The following SDC2 variants were observed in gnomAD, a reference collection of about 807,000 sequenced individuals.
SDC2 encodes syndecan 2.
SDC2 carries 13 observed loss-of-function variants against 22.2 expected under a neutral mutation model. The ratio of observed to expected loss-of-function variants is 0.59; its 90% CI spans 0.38 to 0.93. The LOEUF (loss-of-function observed/expected upper bound fraction) is 0.93. Ranked by LOEUF, SDC2 falls within the 40% of genes least tolerant of loss-of-function variation. The pLI is 0.00. For missense variants in SDC2, 235 were observed against 246.8 expected, an observed-to-expected ratio of 0.95 and a Z score of 0.32; for synonymous variants, 94 against 92.8, an observed-to-expected ratio of 1.01 and a Z score of -0.07.
intron 1 of SDC2, among the ~76,000 whole-genome samples, chr8:96,536,212 A>G (rs562269141): frequency 5.9e-5 from 9 of 151,770 alleles, no homozygotes; most frequent in Admixed American, 3.3e-4. Flanking sequence ...TGCCACAGCT[A>G]TGGATAGGAA....
intron 2 of SDC2, among the ~76,000 whole-genome samples, chr8:96,597,019 C>T (rs1456917587): frequency 6.6e-6 from 1 of 152,170 alleles, no homozygotes; most frequent in Non-Finnish European, 1.5e-5. Context: ...TCCCCTGGTT[C>T]CTTTCCTCTG....
intron 1 of SDC2, among the ~76,000 whole-genome samples, chr8:96,556,337 G>A (rs932415993): frequency 3.5e-5 from 4 of 112,792 alleles, no homozygotes; most frequent in Non-Finnish European, 6.8e-5. Flanking sequence ...ACCAGTTTTA[G>A]GATTTTATTA....
intron 1 of SDC2, among the ~76,000 whole-genome samples, chr8:96,566,727 AG>A (rs898818449): frequency 3.3e-5 from 5 of 151,496 alleles, no homozygotes; most frequent in African/African-American, 1.2e-4. Flanking sequence ...GTTATAATTA[AG>A]TCATTCTGAC....
At chr8:96,550,523 A>G (rs978050) in intron 1 of SDC2, among the ~76,000 whole-genome samples, 1 of 152,000 alleles carries the variant, frequency 6.6e-6, no homozygotes, top group Non-Finnish European at 1.5e-5. Context: ...GACTGATGGT[A>G]TTATTATTGT....
intron 1 of SDC2, 32 bp downstream of exon 1, chr8:96,494,363 G>T (rs201986281): frequency 2.6e-5 from 40 of 1,533,716 alleles, no homozygotes; most frequent in Non-Finnish European, 3.4e-5. Context: ...TGCGCGCGCC[G>T]TTTAGGGTGT....
chr8:96,501,637 T>A (rs1485561670), intron 1 of SDC2, among the ~76,000 whole-genome samples: 1 of 152,114 alleles, frequency 6.6e-6, no homozygotes, highest in Non-Finnish European at 1.5e-5. Context: ...GTGTAATTTG[T>A]TATTAAATAT....
chr8:96,563,802 A>G (rs1223028202), intron 1 of SDC2, among the ~76,000 whole-genome samples: 1 of 152,210 alleles, frequency 6.6e-6, no homozygotes, highest in Non-Finnish European at 1.5e-5. Context: ...ACATAAATGC[A>G]TTTTGAGCTC....
intron 1 of SDC2, among the ~76,000 whole-genome samples, chr8:96,552,419 C>T (rs996121670): frequency 2.6e-4 from 39 of 152,096 alleles, no homozygotes; most frequent in African/African-American, 8.9e-4. Context: ...TGTTACTGTG[C>T]GTTTGGCTGA....
intron 1 of SDC2, among the ~76,000 whole-genome samples, chr8:96,592,723 G>A (rs1278965415): frequency 6.6e-6 from 1 of 152,248 alleles, no homozygotes; most frequent in Non-Finnish European, 1.5e-5. Context: ...TTAAGCGTGT[G>A]ATTTGCTATT....
At chr8:96,513,245 T>A (rs940573840) in intron 1 of SDC2, among the ~76,000 whole-genome samples, 10 of 152,268 alleles carry the variant, frequency 6.6e-5, no homozygotes, top group Admixed American at 3.9e-4. Flanking sequence ...TGTAGGCACA[T>A]CTGCTATAAA....
At chr8:96,586,295 C>G (rs1295872333) in intron 1 of SDC2, 1 of 152,204 alleles carries the variant, frequency 6.6e-6, no homozygotes, top group Non-Finnish European at 1.5e-5. Context: ...TGGTTATTTC[C>G]TTTCACCAAA....
chr8:96,601,366 G>T lies in SDC2; in HGVS notation c.173-1029G>T, dbSNP rs148991633. Among the ~76,000 whole-genome samples the T allele has an allele frequency of 1.1e-4, 17 of 152,214 alleles. No homozygotes were observed. The East Asian group carries it at 3.1e-3, about 28-fold the overall frequency. On this transcript the variant is annotated intron_variant, in intron 2 of 4. Coordinates refer to ENST00000302190, the MANE Select transcript of SDC2 (RefSeq NM_002998.4). ...GCCTGTAAAACCAGGAGAGGGCCAG[G>T]CACGGTGGCTCACGCCTGTAATCCC...
intron 1 of SDC2, among the ~76,000 whole-genome samples, chr8:96,582,322 A>G (rs780502023): frequency 4.0e-5 from 6 of 151,366 alleles, no homozygotes; most frequent in Non-Finnish European, 2.9e-5. Flanking sequence ...GATATCAGGA[A>G]TATGAATAAT....
chr8:96,606,716 A>G (rs1815086291), intron 3 of SDC2, among the ~76,000 whole-genome samples: 1 of 152,176 alleles, frequency 6.6e-6, no homozygotes, highest in Non-Finnish European at 1.5e-5. Flanking sequence ...ACCTTGGGTG[A>G]TTCACATAAG....
chr8:96,511,539 T>C (rs1813328568), intron 1 of SDC2, among the ~76,000 whole-genome samples: 1 of 152,080 alleles, frequency 6.6e-6, no homozygotes. Context: ...AATTTAAAAG[T>C]TTTGTGAGGA....
At chr8:96,556,312 C>A in intron 1 of SDC2, among the ~76,000 whole-genome samples, 1 of 151,018 alleles carries the variant, frequency 6.6e-6, no homozygotes. Context: ...CCCTCCCCCG[C>A]CCCACACACT....
At chr8:96,526,705 G>T (rs1377129524) in intron 1 of SDC2, among the ~76,000 whole-genome samples, 26 of 152,026 alleles carry the variant, frequency 1.7e-4, no homozygotes, top group Admixed American at 1.7e-3. Context: ...TAAATACTTG[G>T]TGTACTCCTC....
rs558564941 is a variant in SDC2, at chr8:96,498,830, A to G, written c.60+4499A>G. Reference sequence around the variant, plus strand: ...CAGCACTAATCTTGATGGGACAGAAAATTTCAAATGAAGAGCTTTCCCTCT... The same window carrying G: ...CAGCACTAATCTTGATGGGACAGAAGATTTCAAATGAAGAGCTTTCCCTCT... On this transcript the variant is annotated intron_variant, in intron 1 of 4. Transcript: ENST00000302190. 3.9e-5 allele frequency among the ~76,000 whole-genome samples: 6 copies of G among 152,262 alleles called. No homozygotes were observed. In the South Asian group the frequency reaches 1.0e-3, roughly 26 times the overall value.
At chr8:96,512,855 T>G (rs1336034597) in intron 1 of SDC2, among the ~76,000 whole-genome samples, 1 of 152,194 alleles carries the variant, frequency 6.6e-6, no homozygotes, top group Non-Finnish European at 1.5e-5. Flanking sequence ...AAGAATGTTT[T>G]AAATTATTTA....
Sources: allele counts gnomAD v4.1 joint callset (sites outside exome capture counted in the v4.1 genomes callset), GRCh38; gene constraint gnomAD v4.1.1; transcripts MANE v1.5; gene names NCBI Gene and HGNC (gene_info 2026-07-23, HGNC 2026-07-21).